Variants in GDA observed in about 807,000 individuals in gnomAD.
The protein encoded by GDA is cytoplasmic PSD-95 interactor.
A neutral mutation model predicts 59.6 loss-of-function variants in GDA; 18 were observed. That is an observed-to-expected ratio of 0.30 (90% CI 0.21 to 0.45). The LOEUF (loss-of-function observed/expected upper bound fraction) is 0.45. Ranked by LOEUF, GDA falls within the 20% of genes least tolerant of loss-of-function variation. The pLI, the probability that GDA is intolerant of heterozygous loss-of-function variation, is 1.00. For missense variants in GDA, 427 were observed against 552.3 expected (o/e 0.77, Z 2.27); for synonymous variants, 201 against 201.1 (o/e 1.00, Z 0.00).
chr9:72,241,072 T>A, intron 10 of GDA, 80 bp from the exon 11 acceptor site: 3 of 971,554 alleles, frequency 3.1e-6, no homozygotes, highest in Non-Finnish European at 4.6e-6. Flanking sequence ...TGAATATCTG[T>A]CATAAAAACA....
chr9:72,230,676 G>A (rs955870827), intron 9 of GDA, among the ~76,000 whole-genome samples: 1 of 151,534 alleles, frequency 6.6e-6, no homozygotes, highest in Non-Finnish European at 1.5e-5. Context: ...CCCCTTTTTC[G>A]ATCTTAAAGT....
chr9:72,194,638 T>C (rs149736515), intron 1 of GDA, among the ~76,000 whole-genome samples: 328 of 152,254 alleles, frequency 2.2e-3, no homozygotes, highest in African/African-American at 7.6e-3. Flanking sequence ...GGAGGTTGTG[T>C]TCCCCCCCTT....
chr9:72,167,990 T>G (rs12336009), intron 1 of GDA, among the ~76,000 whole-genome samples: 2,264 of 152,264 alleles, frequency 0.015, 63 homozygotes, highest in African/African-American at 0.052. Context: ...AGAGCAGGGA[T>G]TAGGTCTTAC....
chr9:72,168,790 ATC>A (rs1829628664), intron 1 of GDA, among the ~76,000 whole-genome samples: 1 of 152,128 alleles, frequency 6.6e-6, no homozygotes, highest in Non-Finnish European at 1.5e-5. Context: ...ACTATTCTTT[ATC>A]TCTATTTTTC....
At chr9:72,168,971 G>A (rs1829648866) in intron 1 of GDA, among the ~76,000 whole-genome samples, 1 of 152,204 alleles carries the variant, frequency 6.6e-6, no homozygotes, top group Non-Finnish European at 1.5e-5. Flanking sequence ...GGGAAGACAT[G>A]AAAGCCTCAA....
chr9:72,124,982 T>G (rs1825795316), intron 1 of GDA, among the ~76,000 whole-genome samples: 1 of 152,216 alleles, frequency 6.6e-6, no homozygotes, highest in East Asian at 1.9e-4. Flanking sequence ...AGTGATTACC[T>G]TCTTTAAAAC....
chr9:72,210,636 T>C (rs1161127960), intron 3 of GDA, 51 bp from the exon 4 acceptor site: 2 of 989,730 alleles, frequency 2.0e-6, no homozygotes, highest in South Asian at 1.3e-5. Flanking sequence ...GGATGTACCA[T>C]GTGACTTTTC....
intron 5 of GDA, among the ~76,000 whole-genome samples, chr9:72,216,224 G>A (rs1249537579): frequency 6.6e-6 from 1 of 152,178 alleles, no homozygotes; most frequent in Non-Finnish European, 1.5e-5. Flanking sequence ...TGGTCTCACT[G>A]AGCTAAAACA....
At position 72,149,492 on chromosome 9, in the gene GDA, G is replaced by C; in HGVS notation, c.-68G>C. The C allele has an allele frequency of 6.3e-7, 1 of 1,577,250 alleles. No homozygotes were observed. Among genetic ancestry groups the C allele is most frequent in the Non-Finnish European group, 8.6e-7 (1 of 1,162,564 alleles). ...CGGCAGCCGCCCGCAGCTGCAGAGA[G>C]TCCCGCTGCGTCTCCGCCGCGTGCG... On this transcript the variant is annotated 5_prime_UTR_variant, in exon 1 of 14. Transcript: ENST00000358399.
At chr9:72,117,641 A>T (rs1023178472) in intron 1 of GDA, among the ~76,000 whole-genome samples, 1 of 152,212 alleles carries the variant, frequency 6.6e-6, no homozygotes, top group Non-Finnish European at 1.5e-5. Context: ...AAGTGAGGAA[A>T]TCTTTCCCAG....
chr9:72,217,460 C>T (rs142438162), intron 5 of GDA, among the ~76,000 whole-genome samples: 105 of 152,270 alleles, frequency 6.9e-4, no homozygotes, highest in East Asian at 3.1e-3. Context: ...CACACTGCGT[C>T]GAATTAAAGT....
chr9:72,257,848 C>G, downstream of GDA: 1 of 151,788 alleles, frequency 6.6e-6, no homozygotes, highest in South Asian at 2.1e-4. Flanking sequence ...GGGAGGATGG[C>G]TTGAGCCTGA....
chr9:72,187,931 C>T (rs1011010125), intron 1 of GDA, among the ~76,000 whole-genome samples: 6 of 152,100 alleles, frequency 3.9e-5, no homozygotes, highest in African/African-American at 1.4e-4. Flanking sequence ...TGAAATGTGT[C>T]TATAACTGAG....
At chr9:72,237,576 C>T (rs1359846320) in intron 10 of GDA, among the ~76,000 whole-genome samples, 1 of 152,148 alleles carries the variant, frequency 6.6e-6, no homozygotes, top group Non-Finnish European at 1.5e-5. Context: ...ATTTAATATA[C>T]TCAGATGACA....
At chr9:72,175,980 C>T (rs1024126596) in intron 1 of GDA, among the ~76,000 whole-genome samples, 1 of 152,130 alleles carries the variant, frequency 6.6e-6, no homozygotes, top group Non-Finnish European at 1.5e-5. Context: ...TACCCCAAAA[C>T]TTAGGGGCTT....
rs540968082 is a variant in GDA, at chr9:72,246,711, C to T, written c.1267-695C>T. On this transcript the variant is annotated intron_variant, in intron 12 of 13. Coordinates refer to ENST00000358399, the MANE Select transcript of GDA (RefSeq NM_004293.5). ...ACCCCTTACGTGATGGTCTTATGACCTGCATTGGGGTAAGGGGTAAGGGGA... is the reference window on the plus strand; with the variant it reads ...ACCCCTTACGTGATGGTCTTATGACTTGCATTGGGGTAAGGGGTAAGGGGA... Among the ~76,000 whole-genome samples, 13 of 149,704 alleles carry T rather than the reference C, an allele frequency of 8.7e-5. No individual in the cohort carries two copies. In the East Asian group the frequency reaches 2.1e-3, roughly 24 times the overall value.
chr9:72,185,288 G>A (rs1286033202), intron 1 of GDA, among the ~76,000 whole-genome samples: 1 of 152,206 alleles, frequency 6.6e-6, no homozygotes, highest in African/African-American at 2.4e-5. Context: ...GACATGTCTA[G>A]TTTAGGAGAT....
chr9:72,153,114 T>G (rs1037093229), intron 1 of GDA, among the ~76,000 whole-genome samples: 2 of 152,146 alleles, frequency 1.3e-5, no homozygotes, highest in African/African-American at 4.8e-5. Context: ...TAGGCGGCAT[T>G]ATTTCTGAGG....
chr9:72,141,662 C>G (rs1186031744), intron 1 of GDA, among the ~76,000 whole-genome samples: 8 of 152,170 alleles, frequency 5.3e-5, no homozygotes, highest in East Asian at 1.9e-4. Context: ...CATGCAATGA[C>G]TCTCAGCACC....
Sources: gnomAD v4.1 joint callset for allele counts (sites outside exome capture counted in the v4.1 genomes callset) on GRCh38, gnomAD v4.1.1 for gene constraint, MANE v1.5 for transcripts, NCBI Gene and HGNC (gene_info 2026-07-23, HGNC 2026-07-21) for gene names.